ST3GAL6: variants seen among roughly 807,000 people sequenced by gnomAD.
The protein encoded by ST3GAL6 is type 2 lactosamine alpha-2,3-sialyltransferase.
A neutral mutation model predicts 40.5 loss-of-function variants in ST3GAL6; 31 were observed. The ratio of observed to expected loss-of-function variants is 0.77; its 90% confidence interval spans 0.58 to 1.03. ST3GAL6 has a LOEUF of 1.03. ST3GAL6 is among the 50% of genes least tolerant of loss of function. ST3GAL6 has a pLI of 0.00. For missense variants in ST3GAL6, 357 were observed against 393.2 expected, an observed-to-expected ratio of 0.91 and a Z score of 0.78; for synonymous variants, 129 against 136.9, an observed-to-expected ratio of 0.94 and a Z score of 0.40.
In ST3GAL6 at chr3:98,782,597, G is replaced by C. The variant is rs368671279; in HGVS notation, c.336-2348G>C. ...CTCCTGCTTCCAGCACTGTCCCTGGGGTCATCCAAACCAGTACAGTAACCC... is the reference window on the plus strand; with the variant it reads ...CTCCTGCTTCCAGCACTGTCCCTGGCGTCATCCAAACCAGTACAGTAACCC... On this transcript the variant is annotated intron_variant, in intron 5 of 9. Transcript: ENST00000483910. 2.8e-5 allele frequency: 14 copies of C among 507,862 alleles called. No individual in the cohort carries two copies. In the East Asian group the frequency reaches 5.4e-4, roughly 20 times the overall value. 31.5% of individuals were successfully genotyped at this position (507,862 alleles called of 1,614,324 possible). A position where few individuals can be genotyped will look rare whatever the true frequency, so the allele number is the denominator to read the frequency against.
intron 1 of ST3GAL6, chr3:98,756,489 C>T (rs1937429949): frequency 7.8e-7 from 1 of 1,287,920 alleles, no homozygotes; most frequent in Non-Finnish European, 1.0e-6. Context: ...TTCGCAAATT[C>T]TCCACCTTTG....
chr3:98,746,120 G>T (rs1936525221), intron 1 of ST3GAL6, among the ~76,000 whole-genome samples: 1 of 152,136 alleles, frequency 6.6e-6, no homozygotes, highest in South Asian at 2.1e-4. Flanking sequence ...ATGGATAGAT[G>T]AACAAATGAT....
At chr3:98,742,103 G>A (rs1387427708) in intron 1 of ST3GAL6, among the ~76,000 whole-genome samples, 1 of 152,088 alleles carries the variant, frequency 6.6e-6, no homozygotes, top group Admixed American at 6.6e-5. Context: ...GTATGACAAT[G>A]TACAAATACA....
chr3:98,758,007 T>C (rs561840890), intron 1 of ST3GAL6, among the ~76,000 whole-genome samples: 1 of 152,214 alleles, frequency 6.6e-6, no homozygotes, highest in South Asian at 2.1e-4. Flanking sequence ...TAGCTAATTT[T>C]TGTATTATTT....
At chr3:98,760,823 A>T (rs1177696892), upstream of ST3GAL6, among the ~76,000 whole-genome samples, 1 of 152,248 alleles carries the variant, frequency 6.6e-6, no homozygotes, top group Non-Finnish European at 1.5e-5. Context: ...ATTGCCTGAT[A>T]AATAACTTGT....
intron 5 of ST3GAL6, chr3:98,783,572 A>C (rs758351844): frequency 2.9e-5 from 29 of 983,688 alleles, no homozygotes; most frequent in Non-Finnish European, 3.5e-5. Context: ...GACTCCCAGA[A>C]AAAAGAAATA....
At chr3:98,733,063 G>A in intron 1 of ST3GAL6, 1 of 1,411,582 alleles carries the variant, frequency 7.1e-7, no homozygotes. Context: ...GGTCCGGGCG[G>A]CCTGGGGTCT....
At chr3:98,759,944 A>G (rs1217896947), upstream of ST3GAL6, among the ~76,000 whole-genome samples, 1 of 152,202 alleles carries the variant, frequency 6.6e-6, no homozygotes. Context: ...AAAATAATAC[A>G]GGAAAGACAG....
chr3:98,788,048 T>A lies in ST3GAL6; in HGVS notation c.444T>A (p.Gly148=), dbSNP rs1940890962. 1 of 1,613,052 alleles carries A rather than the reference T, an allele frequency of 6.2e-7. No individual in the cohort carries two copies. The stretch of plus-strand genomic sequence containing the variant: ...TTACTATCCACAGAATGAATAATGG[T>A]CCTGTTTTAGGACATGAAGAAGAAG... ...SYDVIIRMNN[G]PVLGHEEEVG... Residue 148 remains glycine (G), a synonymous_variant, in exon 7 of 10, where the codon GGT becomes GGA. Transcript: ENST00000483910.
intron 4 of ST3GAL6, 80 bp downstream of exon 4, chr3:98,772,996 G>T (rs1939158189): frequency 2.4e-6 from 2 of 850,598 alleles, no homozygotes; most frequent in South Asian, 1.7e-5. Flanking sequence ...TAATTTTAAG[G>T]GCTTTTATTC....
chr3:98,789,115 G>A (rs1309688929), intron 8 of ST3GAL6, among the ~76,000 whole-genome samples: 1 of 152,106 alleles, frequency 6.6e-6, no homozygotes, highest in Non-Finnish European at 1.5e-5. Context: ...ATTTTTTACT[G>A]GAAGCTTGAG....
chr3:98,783,038 C>T, intron 5 of ST3GAL6: 1 of 286,816 alleles, frequency 3.5e-6, no homozygotes. Context: ...ACCATCATCC[C>T]CTCCCTGAAT....
chr3:98,768,595 T>C, intron 2 of ST3GAL6, 66 bp downstream of exon 2: 2 of 1,173,476 alleles, frequency 1.7e-6, no homozygotes, highest in Non-Finnish European at 2.5e-6. Context: ...CCACAAATTA[T>C]AGTAGAGGGT....
chr3:98,737,374 TTCTC>T (rs1935644756), intron 1 of ST3GAL6, among the ~76,000 whole-genome samples: 3 of 152,054 alleles, frequency 2.0e-5, no homozygotes. Context: ...CTGTCTCTCT[TTCTC>T]TCTCTCACAC....
intron 1 of ST3GAL6, among the ~76,000 whole-genome samples, chr3:98,748,250 T>TAAGAGCAAACC (rs1936713971): frequency 6.6e-6 from 1 of 152,224 alleles, no homozygotes; most frequent in Non-Finnish European, 1.5e-5. Context: ...GGCAGCAAAC[T>TAAGAGCAAACC]GCCTAAGAGC....
chr3:98,732,831 T>C, intron 1 of ST3GAL6: 1 of 1,499,616 alleles, frequency 6.7e-7, no homozygotes, highest in Non-Finnish European at 8.9e-7. Flanking sequence ...CACCTTCCTT[T>C]GGTTTCTGCC....
At chr3:98,762,100 A>G (rs1937853151), upstream of ST3GAL6, among the ~76,000 whole-genome samples, 1 of 146,394 alleles carries the variant, frequency 6.8e-6, no homozygotes, top group African/African-American at 2.5e-5. Context: ...GCACTGGTGA[A>G]AGCACTGGCT....
At chr3:98,747,312 G>A (rs1266912537) in intron 1 of ST3GAL6, among the ~76,000 whole-genome samples, 1 of 152,134 alleles carries the variant, frequency 6.6e-6, no homozygotes, top group Non-Finnish European at 1.5e-5. Flanking sequence ...ACATAAACTG[G>A]AAATCTTTTT....
chr3:98,740,418 T>TA (rs1272000992), intron 1 of ST3GAL6, among the ~76,000 whole-genome samples: 2 of 152,186 alleles, frequency 1.3e-5, no homozygotes, highest in African/African-American at 4.8e-5. Context: ...TCTGCCATCT[T>TA]ATGTTGCTAA....
Sources: allele counts gnomAD v4.1 joint callset (sites outside exome capture counted in the v4.1 genomes callset), GRCh38; gene constraint gnomAD v4.1.1; transcripts MANE v1.5; gene names NCBI Gene and HGNC (gene_info 2026-07-23, HGNC 2026-07-21).